Variants in AFAP1 observed in about 807,000 individuals in gnomAD.
AFAP1 encodes the protein actin filament-associated protein 1.
Under a neutral mutation model 93.9 loss-of-function variants are expected in AFAP1, and 75 were observed. The observed-to-expected ratio is 0.80, with a 90% CI of 0.66 to 0.97. The LOEUF is 0.97. AFAP1 is among the 50% of genes least tolerant of loss of function. The pLI, the probability that AFAP1 is intolerant of heterozygous loss-of-function variation, is 0.00. For missense variants in AFAP1, 1,201 were observed against 1,050.8 expected, an observed-to-expected ratio of 1.14 and a Z score of -1.98; for synonymous variants, 517 against 430.7, an observed-to-expected ratio of 1.20 and a Z score of -2.48.
intron 6 of AFAP1, 113 bp downstream of exon 6, chr4:7,838,411 G>A: frequency 1.6e-6 from 2 of 1,254,196 alleles, no homozygotes; most frequent in South Asian, 3.5e-5. Flanking sequence ...AACTCTTTGG[G>A]TGAATCCATC....
At chr4:7,779,560 G>A (rs1413404640) in intron 13 of AFAP1, among the ~76,000 whole-genome samples, 2 of 152,196 alleles carry the variant, frequency 1.3e-5, no homozygotes, top group Admixed American at 1.3e-4. Context: ...CAGCATGACA[G>A]CAAAGGCTCA....
chr4:7,811,247 C>CA, intron 8 of AFAP1, among the ~76,000 whole-genome samples: 1 of 149,212 alleles, frequency 6.7e-6, no homozygotes, highest in African/African-American at 2.4e-5. Flanking sequence ...ATGAATCCCT[C>CA]AACCCGCTGG....
rs142117318 is a variant in AFAP1, at chr4:7,928,001, T to C, written c.-3+11655A>G. Among the ~76,000 whole-genome samples, 15 of 152,294 alleles carry C rather than the reference T, an allele frequency of 9.8e-5. No homozygotes were observed. In the East Asian group the frequency reaches 2.9e-3, roughly 29 times the overall value. On this transcript the variant is annotated intron_variant, in intron 1 of 17. Transcript: ENST00000420658. ...ATGCTCTTTCGTATGATCTATACTA[T>C]ACAAACCAATGCAGATACCCCAATC...
chr4:7,932,411 TA>T (rs1366819834), intron 1 of AFAP1, among the ~76,000 whole-genome samples: 2 of 152,192 alleles, frequency 1.3e-5, no homozygotes, highest in Non-Finnish European at 2.9e-5. Flanking sequence ...TCAGATTCTC[TA>T]AAACTCAGGA....
At chr4:7,797,732 C>A (rs1268756054) in intron 10 of AFAP1, among the ~76,000 whole-genome samples, 1 of 152,212 alleles carries the variant, frequency 6.6e-6, no homozygotes, top group Non-Finnish European at 1.5e-5. Context: ...ATGCTGTATG[C>A]ATGGTAGTTT....
chr4:7,918,394 G>A (rs1225602110), intron 1 of AFAP1, among the ~76,000 whole-genome samples: 1 of 149,426 alleles, frequency 6.7e-6, no homozygotes, highest in Non-Finnish European at 1.5e-5. Context: ...TGCCGGATGA[G>A]ACACTCGGCC....
chr4:7,834,837 A>ACAAATATAAACC (rs1712087800), intron 6 of AFAP1, among the ~76,000 whole-genome samples: 1 of 152,280 alleles, frequency 6.6e-6, no homozygotes, highest in South Asian at 2.1e-4. Flanking sequence ...GTGAACTGAA[A>ACAAATATAAACC]CAAATATAAA....
At chr4:7,767,519 C>T (rs1025525197) in intron 17 of AFAP1, among the ~76,000 whole-genome samples, 2 of 152,208 alleles carry the variant, frequency 1.3e-5, no homozygotes, top group African/African-American at 2.4e-5. Context: ...GCTCAGTGGT[C>T]ACCAGCTGAG....
At chr4:7,836,772 C>G (rs968685384) in intron 6 of AFAP1, among the ~76,000 whole-genome samples, 1 of 151,094 alleles carries the variant, frequency 6.6e-6, no homozygotes, top group Non-Finnish European at 1.5e-5. Context: ...TTTGGAGCGA[C>G]GAAATTCAGC....
In AFAP1 at chr4:7,912,834, T is replaced by C. The variant is rs142851139; in HGVS notation, c.-3+26822A>G. Among the ~76,000 whole-genome samples the C allele has an allele frequency of 1.4e-3, 208 of 152,218 alleles. 2 individuals carry two copies. The East Asian group carries it at 0.023, about 17-fold the overall frequency. Reference sequence around the variant, plus strand: ...GATCAGAGTTCAGGTTTTTTTTCTATGAATAATCAGGTAGACAGCAATTTT... The same window carrying C: ...GATCAGAGTTCAGGTTTTTTTTCTACGAATAATCAGGTAGACAGCAATTTT... On this transcript the variant is annotated intron_variant, in intron 1 of 17. Coordinates refer to ENST00000420658, the MANE Select transcript of AFAP1 (RefSeq NM_001134647.2).
intron 4 of AFAP1, among the ~76,000 whole-genome samples, chr4:7,852,968 G>C (rs950781883): frequency 6.6e-6 from 1 of 152,152 alleles, no homozygotes; most frequent in African/African-American, 2.4e-5. Flanking sequence ...GGGAGTTGGG[G>C]AATTTCCCGT....
chr4:7,769,893 C>T (rs2148953470), intron 16 of AFAP1, among the ~76,000 whole-genome samples: 1 of 152,308 alleles, frequency 6.6e-6, no homozygotes, highest in South Asian at 2.1e-4. Context: ...CCCCTGGCTG[C>T]CGGGAGGGAG....
rs1721468909 is a variant in AFAP1, at chr4:7,937,652, A to C, written c.-3+2004T>G. Among the ~76,000 whole-genome samples, 3 of 152,034 alleles carry C rather than the reference A, an allele frequency of 2.0e-5. No homozygotes were observed. The South Asian group carries it at 6.2e-4, about 32-fold the overall frequency. On this transcript the variant is annotated intron_variant, in intron 1 of 17. Transcript: ENST00000420658. Reference sequence around the variant, plus strand: ...CAGGCACCCACCACCATGCCCGGCTAATTTTTGTATTTTTAGTAGAGACGG... The same window carrying C: ...CAGGCACCCACCACCATGCCCGGCTCATTTTTGTATTTTTAGTAGAGACGG...
At chr4:7,834,680 G>A (rs1224534439) in intron 6 of AFAP1, among the ~76,000 whole-genome samples, 3 of 152,258 alleles carry the variant, frequency 2.0e-5, no homozygotes, top group African/African-American at 2.4e-5. Flanking sequence ...ACCCCAAGGG[G>A]GCAGCTGAGG....
intron 11 of AFAP1, among the ~76,000 whole-genome samples, chr4:7,792,134 A>G (rs998062242): frequency 6.6e-6 from 1 of 152,276 alleles, no homozygotes; most frequent in Non-Finnish European, 1.5e-5. Context: ...GCACATTTTA[A>G]TTGCTTTTTC....
rs116455238 is a variant in AFAP1 at position 7,927,227 on chromosome 4, C to T, written c.-3+12429G>A. Among the ~76,000 whole-genome samples the T allele has an allele frequency of 6.2e-3, 945 of 152,250 alleles. 10 individuals carry two copies. Among genetic ancestry groups the T allele is most frequent in the African/African-American group, 0.022 (907 of 41,528 alleles). Reference sequence around the variant, plus strand: ...AGCTCTAGCAGAGCTCAGGTGAGCCCATATCAGACGCAAGGCTTGGGAGGC... The same window carrying T: ...AGCTCTAGCAGAGCTCAGGTGAGCCTATATCAGACGCAAGGCTTGGGAGGC... On this transcript the variant is annotated intron_variant, in intron 1 of 17. Coordinates refer to ENST00000420658, the MANE Select transcript of AFAP1 (RefSeq NM_001134647.2).
chr4:7,912,152 A>C (rs114598047), intron 1 of AFAP1, among the ~76,000 whole-genome samples: 1 of 152,206 alleles, frequency 6.6e-6, no homozygotes, highest in Non-Finnish European at 1.5e-5. Flanking sequence ...AACTATTGCA[A>C]AGTGGTATCC....
chr4:7,781,293 C>T (rs2148984158), intron 13 of AFAP1, 83 bp downstream of exon 13: 2 of 1,481,780 alleles, frequency 1.3e-6, no homozygotes, highest in East Asian at 5.0e-5. Context: ...TTGATGAGTC[C>T]CATTTACTAC....
chr4:7,891,643 T>C (rs1019535606), intron 1 of AFAP1, among the ~76,000 whole-genome samples: 6 of 151,236 alleles, frequency 4.0e-5, no homozygotes, highest in African/African-American at 1.5e-4. Context: ...TAAAGCTGTG[T>C]TACATCTTGA....
Sources: allele counts gnomAD v4.1 joint callset (sites outside exome capture counted in the v4.1 genomes callset), GRCh38; gene constraint gnomAD v4.1.1; transcripts MANE v1.5; gene names NCBI Gene and HGNC (gene_info 2026-07-23, HGNC 2026-07-21).